FABP12: variants seen among roughly 807,000 people sequenced by gnomAD.
The protein encoded by FABP12 is fatty acid-binding protein 12.
Under a neutral mutation model 13.7 loss-of-function variants are expected in FABP12, and 19 were observed. The observed-to-expected ratio is 1.39, with a 90% CI of 0.97 to 2.04. The LOEUF is 2.04. FABP12 is among the 30% of genes most tolerant of loss of function. The pLI is 0.00. For synonymous variants in FABP12, 61 were observed against 57.0 expected (o/e 1.07, Z -0.32); for missense variants, 182 against 164.2 (o/e 1.11, Z -0.59).
intron 1 of FABP12, among the ~76,000 whole-genome samples, chr8:81,549,286 C>T (rs954983497): frequency 5.3e-5 from 8 of 152,100 alleles, no homozygotes; most frequent in African/African-American, 1.9e-4. Context: ...TTCTGTTTCT[C>T]TGGAAATCCC....
intron 1 of FABP12, among the ~76,000 whole-genome samples, chr8:81,558,887 CAA>C (rs35682824): frequency 0.028 from 1,891 of 67,506 alleles, 38 homozygotes; most frequent in African/African-American, 0.092. Flanking sequence ...AAGGCTCCAT[CAA>C]AAAAAAAAAA....
chr8:81,558,890 A>G (rs1422108076), intron 1 of FABP12, among the ~76,000 whole-genome samples: 1 of 135,834 alleles, frequency 7.4e-6, no homozygotes. Context: ...GCTCCATCAA[A>G]AAAAAAAAAA....
At chr8:81,533,718 G>A (rs1809148861) in intron 1 of FABP12, among the ~76,000 whole-genome samples, 84 bp downstream of exon 1, 2 of 152,202 alleles carry the variant, frequency 1.3e-5, no homozygotes, top group African/African-American at 4.8e-5. Flanking sequence ...CCCACATACT[G>A]TCTGGGGCAT....
At chr8:81,566,568 A>G (rs1809825009) in intron 1 of FABP12, among the ~76,000 whole-genome samples, 1 of 152,156 alleles carries the variant, frequency 6.6e-6, no homozygotes, top group Non-Finnish European at 1.5e-5. Flanking sequence ...GACAAAAACC[A>G]TATGATCATT....
intron 1 of FABP12, among the ~76,000 whole-genome samples, chr8:81,532,367 T>G (rs1809095623): frequency 6.6e-6 from 1 of 152,338 alleles, no homozygotes; most frequent in African/African-American, 2.4e-5. Context: ...ATTTTATAAT[T>G]CCCATTAAAA....
chr8:81,567,962 A>C (rs187500467), intron 1 of FABP12, among the ~76,000 whole-genome samples: 2 of 152,224 alleles, frequency 1.3e-5, no homozygotes, highest in African/African-American at 4.8e-5. Flanking sequence ...TCTACTAAAA[A>C]TACAAAAAAA....
chr8:81,563,481 C>T (rs141339504), intron 1 of FABP12, among the ~76,000 whole-genome samples: 154 of 152,250 alleles, frequency 1.0e-3, no homozygotes, highest in African/African-American at 3.7e-3. Context: ...GACAGAAATA[C>T]ATAACATTTC....
At chr8:81,561,686 C>T (rs985404894) in intron 1 of FABP12, among the ~76,000 whole-genome samples, 14 of 152,130 alleles carry the variant, frequency 9.2e-5, no homozygotes, top group Non-Finnish European at 1.9e-4. Context: ...CTCAGTACTG[C>T]CCTGTCAAAG....
At chr8:81,578,812 C>T (rs1434057969) in intron 1 of FABP12, among the ~76,000 whole-genome samples, 1 of 81,180 alleles carries the variant, frequency 1.2e-5, no homozygotes, top group Non-Finnish European at 2.3e-5. Context: ...GAATCTGACA[C>T]ATTTGTTCAA....
chr8:81,585,027 G>A (rs962140024), intron 1 of FABP12, among the ~76,000 whole-genome samples: 7 of 152,096 alleles, frequency 4.6e-5, no homozygotes, highest in African/African-American at 9.7e-5. Context: ...CTTCCATTCC[G>A]TGGATTGTCT....
intron 1 of FABP12, among the ~76,000 whole-genome samples, chr8:81,565,422 A>C (rs922824306): frequency 6.6e-6 from 1 of 152,088 alleles, no homozygotes; most frequent in Admixed American, 6.5e-5. Flanking sequence ...TCAAGAATAG[A>C]CCATAAGTTA....
At chr8:81,554,153 C>G (rs1452434902) in intron 1 of FABP12, among the ~76,000 whole-genome samples, 6 of 152,190 alleles carry the variant, frequency 3.9e-5, no homozygotes, top group African/African-American at 1.4e-4. Flanking sequence ...GTGTCATTCT[C>G]TTTGCTCAGT....
At chr8:81,581,301 T>C (rs1373577566) in intron 1 of FABP12, among the ~76,000 whole-genome samples, 1 of 152,194 alleles carries the variant, frequency 6.6e-6, no homozygotes, top group Non-Finnish European at 1.5e-5. Flanking sequence ...AGTGTCTCTT[T>C]CCTAATATTT....
At chr8:81,571,340 G>A (rs1195738438) in intron 1 of FABP12, among the ~76,000 whole-genome samples, 2 of 152,216 alleles carry the variant, frequency 1.3e-5, no homozygotes, top group Admixed American at 1.3e-4. Context: ...AGCTGCAGCC[G>A]CACTTGGTCA....
At chr8:81,528,318 A>C (rs186253711) in intron 3 of FABP12, among the ~76,000 whole-genome samples, 589 of 152,258 alleles carry the variant, frequency 3.9e-3, no homozygotes, top group South Asian at 8.9e-3. Flanking sequence ...GCATCAAGCA[A>C]TCCTCCTGTT....
chr8:81,558,763 G>A (rs1809665669), intron 1 of FABP12, among the ~76,000 whole-genome samples: 2 of 151,848 alleles, frequency 1.3e-5, no homozygotes, highest in East Asian at 1.9e-4. Flanking sequence ...GGTGGCACAC[G>A]CCTGTAATCC....
At chr8:81,565,559 C>T (rs574067047) in intron 1 of FABP12, among the ~76,000 whole-genome samples, 4 of 151,924 alleles carry the variant, frequency 2.6e-5, no homozygotes, top group South Asian at 2.1e-4. Context: ...AATTAAACAA[C>T]GTGTTGTTGA....
intron 2 of FABP12, 139 bp from the exon 3 acceptor site, chr8:81,529,749 T>G: frequency 1.3e-6 from 1 of 780,078 alleles, no homozygotes; most frequent in East Asian, 2.7e-5. Flanking sequence ...CTAGGAGGTT[T>G]GCGAATTGAA....
At position 81,525,179 on chromosome 8, in the gene FABP12, A is replaced by C. The variant is rs1401721392; in HGVS notation, c.349-59T>G. The C allele has an allele frequency of 3.4e-6, 4 of 1,163,988 alleles. No homozygotes were observed. In the African/African-American group the frequency reaches 4.6e-5, roughly 13 times the overall value. 72.1% of individuals were successfully genotyped at this position (1,163,988 alleles called of 1,614,324 possible). A position where few individuals can be genotyped will look rare whatever the true frequency, so the allele number is the denominator to read the frequency against. On this transcript the variant is annotated intron_variant, in intron 4 of 4. Coordinates refer to ENST00000360464, the Ensembl canonical transcript of FABP12. Reference sequence around the variant, plus strand: ...ATAGTTAGTGAAATTAACATTTAGAAAAGTGCAAACTAAGTACTATCCACA... The same window carrying C: ...ATAGTTAGTGAAATTAACATTTAGACAAGTGCAAACTAAGTACTATCCACA...
Sources: allele counts gnomAD v4.1 joint callset (sites outside exome capture counted in the v4.1 genomes callset), GRCh38; gene constraint gnomAD v4.1.1; transcripts MANE v1.5; gene names NCBI Gene and HGNC (gene_info 2026-07-23, HGNC 2026-07-21).